The following SH3PXD2B variants were observed in gnomAD, a reference collection of about 807,000 sequenced individuals.
The protein encoded by SH3PXD2B is SH3 and PX domains 2B.
SH3PXD2B carries 37 observed loss-of-function variants against 73.1 expected under a neutral mutation model. The observed-to-expected ratio is 0.51, with a 90% confidence interval of 0.39 to 0.67. The LOEUF is 0.67. Ranked by LOEUF, SH3PXD2B falls within the 30% of genes least tolerant of loss-of-function variation. The pLI, the probability that SH3PXD2B is intolerant of heterozygous loss-of-function variation, is 0.00. For missense variants in SH3PXD2B, 1,053 were observed against 1,197.8 expected (o/e 0.88, Z 1.78); for synonymous variants, 457 against 480.5 (o/e 0.95, Z 0.64).
rs148833797 is a variant in SH3PXD2B at position 172,377,670 on chromosome 5, AAG to A, written c.402-3857_402-3856del. 6.7e-3 allele frequency among the ~76,000 whole-genome samples: 1,018 copies of A among 152,278 alleles called. 30 individuals carry two copies. Among genetic ancestry groups the A allele is most frequent in the Admixed American group, 0.053 (811 of 15,282 alleles). On this transcript the variant is annotated intron_variant, in intron 5 of 12. Transcript: ENST00000311601. ...AAGGTCACACAGCTGGGAAGGGACA[AAG>A]AGATTTGAACCTTCCCTTTCTTTTC...
Position 172,335,101 on chromosome 5 carries a change from GA to G in SH3PXD2B, c.*3267del. 2 of 985,822 alleles carry G rather than the reference GA, an allele frequency of 2.0e-6. No homozygotes were observed. The highest frequency in any genetic ancestry group is 2.4e-6 in the Non-Finnish European group (2 of 830,258). The allele number at this position is 985,822 out of a possible 1,614,324, so 61.1% of individuals were successfully genotyped here. ...AAGAAAGATTCCGAGCAGAACATGT[GA>G]GCAAAGGCCTCTTTTATCAAGAGGT... is the stretch of plus-strand genomic sequence containing the variant. On this transcript the variant is annotated 3_prime_UTR_variant, in exon 13 of 13. Transcript: ENST00000311601.
At chr5:172,438,896 G>A (rs1045600841) in intron 1 of SH3PXD2B, among the ~76,000 whole-genome samples, 3 of 150,588 alleles carry the variant, frequency 2.0e-5, no homozygotes, top group Admixed American at 6.6e-5. Context: ...CAGCATCCAC[G>A]TAAAGTAAAA....
In SH3PXD2B at chr5:172,335,418, G is replaced by T; in HGVS notation, c.*2951C>A. 1 of 1,210,084 alleles carries T rather than the reference G, an allele frequency of 8.3e-7. No individual in the cohort carries two copies. The highest frequency in any genetic ancestry group is 1.0e-6 in the Non-Finnish European group (1 of 980,738). The allele number at this position is 1,210,084 out of a possible 1,614,324, so 75.0% of individuals were successfully genotyped here. ...GCAGAGAAAAGTCATGGACACGAGG[G>T]AAAGAACAACAACAACAAAACCAAA... On this transcript the variant is annotated 3_prime_UTR_variant, in exon 13 of 13. Coordinates refer to ENST00000311601, the MANE Select transcript of SH3PXD2B (RefSeq NM_001017995.3).
chr5:172,441,825 G>C (rs529314495), intron 1 of SH3PXD2B, among the ~76,000 whole-genome samples: 1 of 152,188 alleles, frequency 6.6e-6, no homozygotes, highest in South Asian at 2.1e-4. Context: ...CCACCTTTTA[G>C]GGGTGTCATA....
At position 172,358,844 on chromosome 5, in the gene SH3PXD2B, C is replaced by G; in HGVS notation, c.596G>C (p.Gly199Ala). 6.2e-7 allele frequency: 1 copy of G among 1,614,062 alleles called. No individual in the cohort carries two copies. Among genetic ancestry groups the G allele is most frequent in the Non-Finnish European group, 8.5e-7 (1 of 1,179,982 alleles). ...WWFVSTAEEQ[G>A]WVPATCLEGQ... ...TTCGAGGCACGTTGCAGGGACCCAG[C>G]CTTGCTCCTCGGCAGTGCTGACGAA... is the stretch of plus-strand genomic sequence containing the variant. Residue 199 changes from glycine (G) to alanine (A), a missense_variant, in exon 8 of 13, where the codon GGC (glycine) becomes GCC (alanine). By Grantham distance (60) the Gly-to-Ala change is moderately conservative (BLOSUM62 0). Coordinates refer to ENST00000311601, the MANE Select transcript of SH3PXD2B (RefSeq NM_001017995.3).
At position 172,334,214 on chromosome 5, in the gene SH3PXD2B, A is replaced by C; in HGVS notation, c.*4155T>G. 1 of 1,095,184 alleles carries C rather than the reference A, an allele frequency of 9.1e-7. No individual in the cohort carries two copies. The highest frequency in any genetic ancestry group is 1.1e-6 in the Non-Finnish European group (1 of 899,284). The allele number at this position is 1,095,184 out of a possible 1,614,324, so 67.8% of individuals were successfully genotyped here. A position where few individuals can be genotyped will look rare whatever the true frequency, so the allele number is the denominator to read the frequency against. Reference sequence around the variant, plus strand: ...AGCACCAGAAACCAGATGCCACCCCACGGAGCTGGGCAGTCCAGTCTGTAG... The same window carrying C: ...AGCACCAGAAACCAGATGCCACCCCCCGGAGCTGGGCAGTCCAGTCTGTAG... On this transcript the variant is annotated 3_prime_UTR_variant, in exon 13 of 13. Coordinates refer to ENST00000311601, the MANE Select transcript of SH3PXD2B (RefSeq NM_001017995.3).
intron 1 of SH3PXD2B, among the ~76,000 whole-genome samples, chr5:172,441,056 T>C (rs768779790): frequency 2.6e-5 from 4 of 152,186 alleles, no homozygotes; most frequent in East Asian, 1.9e-4. Context: ...CCAAGTGAAA[T>C]TGCCATTTTT....
chr5:172,411,967 C>A (rs558113086), intron 2 of SH3PXD2B, among the ~76,000 whole-genome samples: 4 of 151,750 alleles, frequency 2.6e-5, no homozygotes, highest in Non-Finnish European at 5.9e-5. Context: ...GTGACTCCCC[C>A]CTCTCCCTCC....
rs1757198658 is a variant in SH3PXD2B, at chr5:172,353,321, T to G, written c.785+567A>C. Among the ~76,000 whole-genome samples the G allele has an allele frequency of 6.6e-6, 1 of 151,500 alleles. No individual in the cohort carries two copies. Among genetic ancestry groups the G allele is most frequent in the Admixed American group, 6.6e-5 (1 of 15,154 alleles). The stretch of plus-strand genomic sequence containing the variant: ...CCTATTGGGGGTGATCAAGGAGGGG[T>G]TCCCAGGACTTTCATTACTAAAACC... On this transcript the variant is annotated intron_variant, in intron 9 of 12. Transcript: ENST00000311601. This position sits in a 1 kb window ranked among gnomAD's most constrained non-coding sequence, Gnocchi z 4.3.
intron 8 of SH3PXD2B, among the ~76,000 whole-genome samples, chr5:172,357,244 C>A (rs910810467): frequency 1.3e-5 from 2 of 151,296 alleles, no homozygotes; most frequent in Admixed American, 1.3e-4. Flanking sequence ...GCCAACATGG[C>A]GAAACCCCGT....
Position 172,338,201 on chromosome 5 carries a change from C to A in SH3PXD2B, c.*168G>T, listed in dbSNP as rs1247651874. The A allele has an allele frequency of 6.6e-7, 1 of 1,507,796 alleles. No individual in the cohort carries two copies. Among genetic ancestry groups the A allele is most frequent in the East Asian group, 2.5e-5 (1 of 40,720 alleles). The allele number at this position is 1,507,796 out of a possible 1,614,324, so 93.4% of individuals were successfully genotyped here. A position where few individuals can be genotyped will look rare whatever the true frequency, so the allele number is the denominator to read the frequency against. The stretch of plus-strand genomic sequence containing the variant: ...TAGGAGGGATCAGGCCCAGGGGCGC[C>A]CGAGGTGTCCGAAACTCACTCTCCA... On this transcript the variant is annotated 3_prime_UTR_variant, in exon 13 of 13. Coordinates refer to ENST00000311601, the MANE Select transcript of SH3PXD2B (RefSeq NM_001017995.3). The surrounding 1 kb of genome is among the most constrained non-coding windows in gnomAD (Gnocchi z 5.1).
chr5:172,424,536 G>C (rs1379579283), intron 1 of SH3PXD2B, among the ~76,000 whole-genome samples: 1 of 152,250 alleles, frequency 6.6e-6, no homozygotes, highest in Non-Finnish European at 1.5e-5. Flanking sequence ...CCAGACACCA[G>C]TGTGAATATC....
intron 1 of SH3PXD2B, among the ~76,000 whole-genome samples, chr5:172,446,168 C>G (rs1002678544): frequency 2.6e-5 from 4 of 152,180 alleles, no homozygotes; most frequent in African/African-American, 9.7e-5. Context: ...CCAGCAGCAC[C>G]CCTCCTCAGG....
Position 172,353,218 on chromosome 5 carries a change from C to T in SH3PXD2B, c.785+670G>A, listed in dbSNP as rs999312229. 6.6e-6 allele frequency among the ~76,000 whole-genome samples: 1 copy of T among 152,192 alleles called. No individual in the cohort carries two copies. Among genetic ancestry groups the T allele is most frequent in the South Asian group, 2.1e-4 (1 of 4,836 alleles). On this transcript the variant is annotated intron_variant, in intron 9 of 12. Coordinates refer to ENST00000311601, the MANE Select transcript of SH3PXD2B (RefSeq NM_001017995.3). The surrounding 1 kb of genome is among the most constrained non-coding windows in gnomAD (Gnocchi z 4.3). The stretch of plus-strand genomic sequence containing the variant: ...CCTGGAAATGGCCCGAATGTCCCGC[C>T]ACACATCACAGCGCAGACACTAGAT...
intron 1 of SH3PXD2B, among the ~76,000 whole-genome samples, chr5:172,424,139 T>C (rs1759039281): frequency 6.6e-6 from 1 of 152,210 alleles, no homozygotes; most frequent in African/African-American, 2.4e-5. Flanking sequence ...AATTTATTCC[T>C]GGACTGTCCA....
Position 172,423,546 on chromosome 5 carries a change from G to GT in SH3PXD2B, c.76-1051_76-1050insA, listed in dbSNP as rs1554141215. Among the ~76,000 whole-genome samples the GT allele has an allele frequency of 6.7e-5, 3 of 44,972 alleles. 1 individual carries two copies. The highest frequency in any genetic ancestry group is 1.4e-4 in the Non-Finnish European group (3 of 21,324). The allele number at this position is 44,972 out of a possible 152,430, so 29.5% of individuals were successfully genotyped here. ...AGCTCACCCACTTGGATACGGGGTT[G>GT]GGGGGGGGGGCGCACATTCTCTGTT... On this transcript the variant is annotated intron_variant, in intron 1 of 12. Coordinates refer to ENST00000311601, the MANE Select transcript of SH3PXD2B (RefSeq NM_001017995.3).
chr5:172,417,660 C>T (rs147170369), intron 2 of SH3PXD2B, among the ~76,000 whole-genome samples: 188 of 152,348 alleles, frequency 1.2e-3, no homozygotes, highest in Middle Eastern at 3.4e-3. Flanking sequence ...ACTCTATTAA[C>T]TGGCATCATC....
At chr5:172,441,341 C>T (rs372620339) in intron 1 of SH3PXD2B, among the ~76,000 whole-genome samples, 9 of 152,226 alleles carry the variant, frequency 5.9e-5, no homozygotes, top group South Asian at 4.1e-4. Context: ...AGCTTAAACA[C>T]GATGACACAC....
chr5:172,407,023 T>G (rs1758576340), intron 2 of SH3PXD2B, among the ~76,000 whole-genome samples: 1 of 152,168 alleles, frequency 6.6e-6, no homozygotes, highest in South Asian at 2.1e-4. Flanking sequence ...TCTGAAAGCT[T>G]CAGGGACTTC....
Sources: allele counts gnomAD v4.1 joint callset (sites outside exome capture counted in the v4.1 genomes callset), GRCh38; gene constraint gnomAD v4.1.1; non-coding constraint Gnocchi (gnomAD v3.1); transcripts MANE v1.5; gene names NCBI Gene and HGNC (gene_info 2026-07-23, HGNC 2026-07-21).